The following MRE11 variants were observed in gnomAD, a reference collection of about 807,000 sequenced individuals.
MRE11 encodes the protein double-strand break repair protein MRE11.
Under a neutral mutation model 91.7 loss-of-function variants are expected in MRE11, and 62 were observed. The observed-to-expected ratio is 0.68, with a 90% confidence interval of 0.55 to 0.84. MRE11 has a LOEUF of 0.84. Ranked by LOEUF, MRE11 falls within the 40% of genes least tolerant of loss-of-function variation. The pLI, the probability that MRE11 is intolerant of heterozygous loss-of-function variation, is 0.00. For missense variants in MRE11, 796 were observed against 852.9 expected, an observed-to-expected ratio of 0.93 and a Z score of 0.83; for synonymous variants, 273 against 271.4, an observed-to-expected ratio of 1.01 and a Z score of -0.06.
chr11:94,503,937 A>T, the MRE11 span, among the ~76,000 whole-genome samples: 1 of 152,170 alleles, frequency 6.6e-6, no homozygotes, highest in Non-Finnish European at 1.5e-5. Context: ...TCTAGAAATA[A>T]ATCCAGATAT....
At chr11:94,498,645 C>G, upstream of MRE11, 3 of 887,026 alleles carry the variant, frequency 3.4e-6, no homozygotes, top group South Asian at 3.5e-5. Context: ...CAGTGACATT[C>G]ATTATAACAT....
chr11:94,507,289 T>C, the MRE11 span, among the ~76,000 whole-genome samples: 2 of 152,378 alleles, frequency 1.3e-5, no homozygotes, highest in African/African-American at 4.8e-5. Context: ...TCTCCATTTC[T>C]GCATGTAGCA....
At chr11:94,475,362 A>C (rs980961394) in intron 7 of MRE11, 1 of 299,424 alleles carries the variant, frequency 3.3e-6, no homozygotes, top group South Asian at 3.2e-5. Flanking sequence ...ATGCTATACC[A>C]TTTTATTCAA....
intron 13 of MRE11, among the ~76,000 whole-genome samples, chr11:94,457,870 C>G (rs1206572925): frequency 2.1e-5 from 2 of 97,418 alleles, no homozygotes; most frequent in Non-Finnish European, 4.2e-5. Context: ...CTTTCTCTCT[C>G]TCCCTCTCTC....
At chr11:94,459,684 A>G (rs1591672962) in intron 12 of MRE11, 103 bp from the exon 13 acceptor site, 1 of 1,251,334 alleles carries the variant, frequency 8.0e-7, no homozygotes, top group Non-Finnish European at 1.1e-6. Context: ...GAGAAAAAAT[A>G]TAGTGAACAG....
At position 94,429,959 on chromosome 11, in the gene MRE11, G is replaced by T. The variant is rs1554999935; in HGVS notation, c.2022C>A (p.Ile674=). The T allele has an allele frequency of 1.2e-6, 2 of 1,614,050 alleles. No homozygotes were observed. The highest frequency in any genetic ancestry group is 1.7e-5 in the Admixed American group (1 of 60,016). Residue 674 remains isoleucine (I), a synonymous_variant, in exon 19 of 20, where the codon ATC becomes ATA. Transcript: ENST00000323929. ...QRWSSTSSSK[I]MSQSQVSKGV... is the part of the protein sequence containing the mutation. ...CTTTCGATACTTGACTCTGGGACAT[G>T]ATTTTGCTGGATGATGTGCTGGACC... is the stretch of plus-strand genomic sequence containing the variant.
intron 9 of MRE11, among the ~76,000 whole-genome samples, chr11:94,468,311 A>G (rs1946620772): frequency 2.6e-5 from 4 of 152,206 alleles, no homozygotes; most frequent in Admixed American, 2.6e-4. Flanking sequence ...GTAAAAGAAA[A>G]TAAGACTGAT....
chr11:94,475,804 C>T (rs1223233907), intron 7 of MRE11, among the ~76,000 whole-genome samples: 6 of 152,114 alleles, frequency 3.9e-5, no homozygotes, highest in African/African-American at 1.4e-4. Flanking sequence ...TAACTGTACA[C>T]ATCAGTAAAA....
chr11:94,430,894 A>C (rs143535312), intron 18 of MRE11, among the ~76,000 whole-genome samples: 1 of 152,020 alleles, frequency 6.6e-6, no homozygotes, highest in Non-Finnish European at 1.5e-5. Flanking sequence ...TGTTTTTTTT[A>C]TGGCCTATAA....
intron 10 of MRE11, chr11:94,466,587 A>G (rs1250703137): frequency 2.2e-6 from 1 of 454,752 alleles, no homozygotes; most frequent in South Asian, 1.5e-5. Flanking sequence ...AATACAAACC[A>G]AGGGATAAGG....
At chr11:94,484,869 A>G (rs2135117260) in intron 4 of MRE11, among the ~76,000 whole-genome samples, 1 of 152,334 alleles carries the variant, frequency 6.6e-6, no homozygotes, top group Non-Finnish European at 1.5e-5. Context: ...GGCTGAAGAA[A>G]TTAAGGAAAC....
intron 10 of MRE11, chr11:94,466,530 G>A (rs191135297): frequency 2.6e-4 from 138 of 529,448 alleles, no homozygotes; most frequent in Admixed American, 6.8e-4. Flanking sequence ...TGCAGTTTTT[G>A]CCATTACTTT....
chr11:94,446,591 T>A (rs1190660402), intron 15 of MRE11, among the ~76,000 whole-genome samples: 1 of 152,182 alleles, frequency 6.6e-6, no homozygotes, highest in Non-Finnish European at 1.5e-5. Context: ...AAAACAATTT[T>A]AAAAAATCTT....
At chr11:94,503,548 G>A in the MRE11 span, among the ~76,000 whole-genome samples, 1 of 152,020 alleles carries the variant, frequency 6.6e-6, no homozygotes, top group African/African-American at 2.4e-5. Context: ...AAATTAGCTG[G>A]GCATGGTGGC....
chr11:94,479,465 A>C lies in MRE11; in HGVS notation c.402+209T>G, dbSNP rs13447610. Among the ~76,000 whole-genome samples the C allele has an allele frequency of 2.2e-3, 333 of 152,340 alleles. 1 individual carries two copies. The highest frequency in any genetic ancestry group is 3.5e-3 in the Non-Finnish European group (236 of 68,032). On this transcript the variant is annotated intron_variant, in intron 5 of 19. Coordinates refer to ENST00000323929, the MANE Select transcript of MRE11 (RefSeq NM_005591.4). The stretch of plus-strand genomic sequence containing the variant: ...TTATTGTTAACATCAGTATTAATGA[A>C]ATAAAAGCATAGCTCATACACCAAT...
chr11:94,479,837 T>A (rs2135092941), intron 4 of MRE11, 76 bp from the exon 5 acceptor site: 2 of 1,166,702 alleles, frequency 1.7e-6, no homozygotes, highest in Non-Finnish European at 2.5e-6. Flanking sequence ...TCCAAAATAT[T>A]AATGCAATCA....
chr11:94,461,364 C>T (rs1453605460), intron 11 of MRE11, among the ~76,000 whole-genome samples: 1 of 152,164 alleles, frequency 6.6e-6, no homozygotes, highest in Non-Finnish European at 1.5e-5. Flanking sequence ...ATGTTATTTG[C>T]CATTTTGCCA....
At chr11:94,506,007 T>C in the MRE11 span, among the ~76,000 whole-genome samples, 1 of 152,220 alleles carries the variant, frequency 6.6e-6, no homozygotes, top group South Asian at 2.1e-4. Context: ...CTGTGCCACC[T>C]AGCCACCTAG....
upstream of MRE11, chr11:94,496,892 G>T: frequency 6.3e-7 from 1 of 1,599,604 alleles, no homozygotes; most frequent in Non-Finnish European, 8.5e-7. Context: ...TCGATTGCAA[G>T]AAAAAAAAAT....
Sources: gnomAD v4.1 joint callset for allele counts (sites outside exome capture counted in the v4.1 genomes callset) on GRCh38, gnomAD v4.1.1 for gene constraint, MANE v1.5 for transcripts, NCBI Gene and HGNC (gene_info 2026-07-23, HGNC 2026-07-21) for gene names.